GCHFR: variants seen among roughly 807,000 people sequenced by gnomAD.
The protein encoded by GCHFR is GTP cyclohydrolase I feedback regulator.
In GCHFR, 12 loss-of-function variants were observed where a neutral mutation model predicts 10.6. The ratio of observed to expected loss-of-function variants is 1.13; its 90% confidence interval spans 0.72 to 1.83. The LOEUF is 1.83. Ranked by LOEUF, GCHFR falls within the 40% of genes most tolerant of loss-of-function variation. The probability of loss-of-function intolerance (pLI) is 0.00; values close to 1 mark genes in which losing one functional copy is unlikely to be tolerated. For synonymous variants in GCHFR, 54 were observed against 43.7 expected, an observed-to-expected ratio of 1.24 and a Z score of -0.93; for missense variants, 116 against 110.6, an observed-to-expected ratio of 1.05 and a Z score of -0.22.
intron 2 of GCHFR, chr15:40,766,906 C>T (rs538568423): frequency 8.9e-5 from 17 of 190,306 alleles, no homozygotes; most frequent in Admixed American, 4.3e-4. Context: ...CCAGGGAGGG[C>T]GGCAGCAGGG....
chr15:40,765,576 T>C lies in GCHFR; in HGVS notation c.37-251T>C, dbSNP rs149586555. On this transcript the variant is annotated intron_variant, in intron 1 of 2. Transcript: ENST00000260447. ...ACCTCAGCCTCAGTAGCTGGAACTA[T>C]AGGCTCGTGATACTTTGCCTGGCTA... 1.5e-3 allele frequency: 469 copies of C among 314,796 alleles called. 3 individuals are homozygous for C. The highest frequency in any genetic ancestry group is 9.3e-3 in the African/African-American group (436 of 46,712). 19.5% of individuals were successfully genotyped at this position (314,796 alleles called of 1,614,324 possible). A position where few individuals can be genotyped will look rare whatever the true frequency, so the allele number is the denominator to read the frequency against.
At chr15:40,764,789 A>C (rs900180291) in intron 1 of GCHFR, among the ~76,000 whole-genome samples, 1 of 152,234 alleles carries the variant, frequency 6.6e-6, no homozygotes, top group Non-Finnish European at 1.5e-5. Context: ...GGGGCTGTGC[A>C]GTTAGAGGTG....
At chr15:40,765,114 G>C (rs1888920360) in intron 1 of GCHFR, 1 of 152,190 alleles carries the variant, frequency 6.6e-6, no homozygotes, top group African/African-American at 2.4e-5. Flanking sequence ...ACTCTGTCTG[G>C]GGCTTGGGAA....
At position 40,767,580 on chromosome 15, in the gene GCHFR, C is replaced by T. The variant is rs537459148; in HGVS notation, c.*231C>T. On this transcript the variant is annotated 3_prime_UTR_variant, in exon 3 of 3. Coordinates refer to ENST00000260447, the MANE Select transcript of GCHFR (RefSeq NM_005258.3). ...TCCCAGCTGCCCTCCTGCTTCGGGC[C>T]TGGGCCGAGGGCCTTGTGTAGGCCA... 11 of 604,144 alleles carry T rather than the reference C, an allele frequency of 1.8e-5. No individual in the cohort carries two copies. The highest frequency in any genetic ancestry group is 3.8e-5 in the African/African-American group (2 of 52,004). 37.4% of individuals were successfully genotyped at this position (604,144 alleles called of 1,614,324 possible).
rs1248396022 is a variant in GCHFR, at chr15:40,765,713, T to C, written c.37-114T>C. On this transcript the variant is annotated intron_variant, in intron 1 of 2. Coordinates refer to ENST00000260447, the MANE Select transcript of GCHFR (RefSeq NM_005258.3). ...GCCCCTAAGAATCCTTGCTACTCTCTGTAGCCTTTACCTGAACCTTACTCA... is the reference window on the plus strand; with the variant it reads ...GCCCCTAAGAATCCTTGCTACTCTCCGTAGCCTTTACCTGAACCTTACTCA... 1.4e-5 allele frequency: 7 copies of C among 497,962 alleles called. No individual in the cohort carries two copies. In the East Asian group the frequency reaches 2.0e-4, roughly 14 times the overall value. 30.8% of individuals were successfully genotyped at this position (497,962 alleles called of 1,614,324 possible).
At chr15:40,764,364 T>G in intron 1 of GCHFR, 148 bp downstream of exon 1, 2 of 609,502 alleles carry the variant, frequency 3.3e-6, no homozygotes, top group Non-Finnish European at 5.1e-6. Context: ...GGAGAGGGAG[T>G]GGAGAAGCGG....
rs1301983997 is a variant in GCHFR at position 40,764,164 on chromosome 15, G to A, written c.-17G>A. 2 of 1,547,734 alleles carry A rather than the reference G, an allele frequency of 1.3e-6. No individual in the cohort carries two copies. The highest frequency in any genetic ancestry group is 1.4e-5 in the African/African-American group (1 of 72,598). Reference sequence around the variant, plus strand: ...GCCTAGAGCCCCCGGTGGGAGCCAGGCCGGGACGCGTGCACCATGCCCTAC... The same window carrying A: ...GCCTAGAGCCCCCGGTGGGAGCCAGACCGGGACGCGTGCACCATGCCCTAC... On this transcript the variant is annotated 5_prime_UTR_variant, in exon 1 of 3. Coordinates refer to ENST00000260447, the MANE Select transcript of GCHFR (RefSeq NM_005258.3).
intron 1 of GCHFR, 24 bp downstream of exon 1, chr15:40,764,240 T>C: frequency 6.5e-7 from 1 of 1,547,636 alleles, no homozygotes; most frequent in Non-Finnish European, 8.7e-7. Context: ...GCCTGGCGAC[T>C]TGGAGCCGGG....
chr15:40,766,058 G>A (rs949238140), intron 2 of GCHFR, 137 bp downstream of exon 2: 15 of 471,682 alleles, frequency 3.2e-5, no homozygotes, highest in Non-Finnish European at 4.3e-5. Context: ...TCTGTTCTCC[G>A]GAGGAGTTGG....
At position 40,767,238 on chromosome 15, in the gene GCHFR, C is replaced by T. The variant is rs139599649; in HGVS notation, c.144C>T (p.Tyr48=). 1.1e-4 allele frequency: 175 copies of T among 1,564,150 alleles called. No individual in the cohort carries two copies. Among genetic ancestry groups the T allele is most frequent in the African/African-American group, 3.5e-4 (25 of 72,108 alleles). Residue 48 remains tyrosine, a synonymous_variant, in exon 3 of 3, where the codon TAC becomes TAT. Coordinates refer to ENST00000260447, the MANE Select transcript of GCHFR (RefSeq NM_005258.3). ...RALGNNFYEY[Y]VDDPPRIVLD... ...TGTCTCTTTGCAGTTATGAATACTACGTCGATGACCCTCCCCGCATAGTCC... is the reference window on the plus strand; with the variant it reads ...TGTCTCTTTGCAGTTATGAATACTATGTCGATGACCCTCCCCGCATAGTCC...
At chr15:40,765,735 C>T in intron 1 of GCHFR, 92 bp from the exon 2 acceptor site, 1 of 562,618 alleles carries the variant, frequency 1.8e-6, no homozygotes, top group Non-Finnish European at 3.2e-6. Context: ...CTGAACCTTA[C>T]TCAGGGCTAG....
At chr15:40,764,573 C>T in intron 1 of GCHFR, 1 of 288,766 alleles carries the variant, frequency 3.5e-6, no homozygotes, top group East Asian at 5.7e-5. Context: ...AGCCGCTCCG[C>T]AGGGGAAAAA....
In GCHFR at chr15:40,765,754, G is replaced by A. The variant is rs7182456; in HGVS notation, c.37-73G>A. 0.012 allele frequency: 7,600 copies of A among 656,070 alleles called. 450 individuals carry two copies. In the African/African-American group the frequency reaches 0.13, roughly 11 times the overall value. The allele number at this position is 656,070 out of a possible 1,614,324, so 40.6% of individuals were successfully genotyped here. On this transcript the variant is annotated intron_variant, in intron 1 of 2. Transcript: ENST00000260447. ...ACCTTACTCAGGGCTAGCAGGCAGG[G>A]GAGGAAGGACAGGCAAGACCTTCCA...
chr15:40,764,237 G>T, intron 1 of GCHFR, 21 bp downstream of exon 1: 1 of 1,548,384 alleles, frequency 6.5e-7, no homozygotes, highest in Non-Finnish European at 8.7e-7. Context: ...GCCGCCTGGC[G>T]ACTTGGAGCC....
In GCHFR at chr15:40,767,401, G is replaced by C; in HGVS notation, c.*52G>C. On this transcript the variant is annotated 3_prime_UTR_variant, in exon 3 of 3. Coordinates refer to ENST00000260447, the MANE Select transcript of GCHFR (RefSeq NM_005258.3). ...GCACCCCTGTGGAGGGGCTGCTGTGGGCCCTGACCTCCAAGCTCCTGCCTC... is the reference window on the plus strand; with the variant it reads ...GCACCCCTGTGGAGGGGCTGCTGTGCGCCCTGACCTCCAAGCTCCTGCCTC... 1 of 1,530,986 alleles carries C rather than the reference G, an allele frequency of 6.5e-7. No homozygotes were observed. The highest frequency in any genetic ancestry group is 8.8e-7 in the Non-Finnish European group (1 of 1,140,142). 94.8% of individuals were successfully genotyped at this position (1,530,986 alleles called of 1,614,324 possible). A position where few individuals can be genotyped will look rare whatever the true frequency, so the allele number is the denominator to read the frequency against.
chr15:40,766,933 A>G (rs1307507737), intron 2 of GCHFR: 1 of 229,410 alleles, frequency 4.4e-6, no homozygotes, highest in Admixed American at 5.8e-5. Flanking sequence ...TCAGACTAAC[A>G]TGGTCTACCA....
In GCHFR at chr15:40,765,854, G is replaced by A. The variant is rs760612987; in HGVS notation, c.64G>A (p.Glu22Lys). The A allele has an allele frequency of 2.4e-5, 38 of 1,583,978 alleles. No homozygotes were observed. The highest frequency in any genetic ancestry group is 9.4e-5 in the African/African-American group (7 of 74,264). ...MEVGPTMVGD[E>K]QSDPELMQHL... ...GGTGGGCCCCACTATGGTGGGCGAT[G>A]AACAGTCGGATCCAGAGCTGATGCA... is the stretch of plus-strand genomic sequence containing the variant. Residue 22 changes from glutamate to lysine, a missense_variant, in exon 2 of 3, where the codon GAA (glutamate) becomes AAA (lysine). Coordinates refer to ENST00000260447, the MANE Select transcript of GCHFR (RefSeq NM_005258.3).
intron 1 of GCHFR, 43 bp downstream of exon 1, chr15:40,764,259 C>T (rs1336114677): frequency 4.6e-6 from 7 of 1,524,156 alleles, no homozygotes; most frequent in Non-Finnish European, 8.8e-7. Flanking sequence ...GGACCAGGCC[C>T]TAGGGGGCTG....
At chr15:40,764,472 C>T (rs973222306) in intron 1 of GCHFR, 2 of 463,004 alleles carry the variant, frequency 4.3e-6, no homozygotes, top group South Asian at 3.4e-5. Flanking sequence ...AACAGGGCGA[C>T]CTCCGGGCGC....
Sources: gnomAD v4.1 joint callset for allele counts (sites outside exome capture counted in the v4.1 genomes callset) on GRCh38, gnomAD v4.1.1 for gene constraint, MANE v1.5 for transcripts, NCBI Gene and HGNC (gene_info 2026-07-23, HGNC 2026-07-21) for gene names.